Variants in INSL6 observed in about 807,000 individuals in gnomAD.
The protein encoded by INSL6 is insulin-like peptide INSL6.
INSL6 carries 16 observed loss-of-function variants against 9.4 expected under a neutral mutation model. That is an observed-to-expected ratio of 1.70 (90% CI 1.15 to 2.59). The LOEUF (loss-of-function observed/expected upper bound fraction) is 2.59, where lower values mean the gene tolerates loss of function less well. Among genes scored for constraint, INSL6 ranks in the 30% most tolerant of loss-of-function variants. The pLI, the probability that INSL6 is intolerant of heterozygous loss-of-function variation, is 0.00. For synonymous variants in INSL6, 154 were observed against 96.9 expected (o/e 1.59, Z -3.46); for missense variants, 391 against 257.3 (o/e 1.52, Z -3.56).
chr9:5,016,264 G>A, the INSL6 span, among the ~76,000 whole-genome samples: 83 of 152,222 alleles, frequency 5.5e-4, no homozygotes, highest in African/African-American at 1.9e-3. Flanking sequence ...GATCTGCATC[G>A]TATCAGATAC....
At chr9:5,134,070 C>G (rs1280007801) in intron 2 of INSL6, among the ~76,000 whole-genome samples, 3 of 152,028 alleles carry the variant, frequency 2.0e-5, no homozygotes, top group Admixed American at 6.6e-5. Flanking sequence ...ACAGCTGAAT[C>G]GGTCAGGCAG....
At chr9:5,037,002 T>A in the INSL6 span, among the ~76,000 whole-genome samples, 96,037 of 151,960 alleles carry the variant, frequency 0.63, 32,146 homozygotes, top group African/African-American at 0.87. Context: ...CAATGAACTC[T>A]AACAAATTTA....
At chr9:5,057,580 CTTTT>C in the INSL6 span, among the ~76,000 whole-genome samples, 9,335 of 116,760 alleles carry the variant, frequency 0.08, 774 homozygotes, top group African/African-American at 0.27. Flanking sequence ...ATTCTACTTT[CTTTT>C]TTTTTTTTTT....
chr9:5,026,562 C>G, the INSL6 span, among the ~76,000 whole-genome samples: 5 of 152,146 alleles, frequency 3.3e-5, no homozygotes, highest in African/African-American at 1.2e-4. Context: ...TTCTGTGAGC[C>G]TTATGTTTTA....
chr9:5,107,572 G>C, the INSL6 span, among the ~76,000 whole-genome samples: 2 of 152,010 alleles, frequency 1.3e-5, no homozygotes, highest in African/African-American at 4.8e-5. Flanking sequence ...AATTGAATTG[G>C]TAAATAGTTT....
At chr9:5,066,687 T>C in the INSL6 span, 1 of 1,588,592 alleles carries the variant, frequency 6.3e-7, no homozygotes, top group Non-Finnish European at 8.6e-7. Context: ...GGATGGATTT[T>C]GCCATTAGTA....
the INSL6 span, among the ~76,000 whole-genome samples, chr9:5,043,262 GCGTTTA>G: frequency 6.6e-6 from 1 of 152,086 alleles, no homozygotes; most frequent in Non-Finnish European, 1.5e-5. Context: ...TACGGAAATG[GCGTTTA>G]CGTTTCTCTG....
chr9:5,012,164 G>A, the INSL6 span, among the ~76,000 whole-genome samples: 1 of 152,114 alleles, frequency 6.6e-6, no homozygotes, highest in Non-Finnish European at 1.5e-5. Context: ...CTTTCACCCA[G>A]TAAGACTGCA....
At chr9:5,115,192 T>C in the INSL6 span, among the ~76,000 whole-genome samples, 1 of 152,068 alleles carries the variant, frequency 6.6e-6, no homozygotes, top group Non-Finnish European at 1.5e-5. Context: ...ATCAAGAATC[T>C]ACAAAGAACT....
At chr9:5,004,377 TCATA>T in the INSL6 span, among the ~76,000 whole-genome samples, 1 of 152,214 alleles carries the variant, frequency 6.6e-6, no homozygotes. Context: ...ATCAGTGAGA[TCATA>T]CAGTTTTGTC....
At chr9:5,112,395 G>C in the INSL6 span, 1 of 444,294 alleles carries the variant, frequency 2.3e-6, no homozygotes, top group Non-Finnish European at 4.2e-6. Context: ...AATCAAGCGG[G>C]AGGAGGAGGA....
the INSL6 span, among the ~76,000 whole-genome samples, chr9:5,020,915 G>A: frequency 3.3e-5 from 5 of 152,222 alleles, no homozygotes; most frequent in East Asian, 1.9e-4. Flanking sequence ...AAATGGCACC[G>A]TGCTGTAGCT....
the INSL6 span, chr9:5,021,981 A>T: frequency 6.2e-7 from 1 of 1,602,448 alleles, no homozygotes; most frequent in Non-Finnish European, 8.5e-7. Flanking sequence ...TCTGAAAAAG[A>T]CTCTGCATGG....
chr9:5,090,513 A>C, the INSL6 span: 17 of 1,594,292 alleles, frequency 1.1e-5, no homozygotes, highest in Non-Finnish European at 1.5e-5. Context: ...ATCTTCAAAA[A>C]CATAAAGAAC....
At chr9:5,048,456 T>C in the INSL6 span, among the ~76,000 whole-genome samples, 1 of 152,150 alleles carries the variant, frequency 6.6e-6, no homozygotes, top group African/African-American at 2.4e-5. Flanking sequence ...ACTAGTTCTA[T>C]AGGGAACCAA....
chr9:5,031,085 A>G, the INSL6 span, among the ~76,000 whole-genome samples: 2 of 152,148 alleles, frequency 1.3e-5, no homozygotes, highest in East Asian at 3.8e-4. Context: ...GAAGAATATG[A>G]AGAATTAGGA....
the INSL6 span, among the ~76,000 whole-genome samples, chr9:5,083,647 T>C: frequency 1.3e-5 from 2 of 152,178 alleles, no homozygotes; most frequent in Non-Finnish European, 1.5e-5. Context: ...GCACACAATT[T>C]TGTCATATAT....
At chr9:5,080,110 C>G in the INSL6 span, 3 of 810,258 alleles carry the variant, frequency 3.7e-6, no homozygotes, top group East Asian at 2.5e-5. Context: ...TCCAACCCCT[C>G]CAAAATAAAG....
chr9:5,126,357 G>A, intron 3 of INSL6: 2 of 1,608,802 alleles, frequency 1.2e-6, no homozygotes, highest in Non-Finnish European at 1.7e-6. Context: ...GATTGGCAAT[G>A]ACAAACAAGG....
Sources: allele counts gnomAD v4.1 joint callset (sites outside exome capture counted in the v4.1 genomes callset), GRCh38; gene constraint gnomAD v4.1.1; transcripts MANE v1.5; gene names NCBI Gene and HGNC (gene_info 2026-07-23, HGNC 2026-07-21).